The following TMCO4 variants were observed in gnomAD, a reference collection of about 807,000 sequenced individuals.
The protein encoded by TMCO4 is transmembrane and coiled-coil domain-containing protein 4.
Under a neutral mutation model 64.7 loss-of-function variants are expected in TMCO4, and 58 were observed. The observed-to-expected ratio is 0.90, with a 90% CI of 0.73 to 1.12. The LOEUF (loss-of-function observed/expected upper bound fraction) is 1.12, where lower values mean the gene tolerates loss of function less well. Ranked by LOEUF, TMCO4 falls within the 50% of genes most tolerant of loss-of-function variation. The pLI is 0.00. For synonymous variants in TMCO4, 325 were observed against 346.1 expected (o/e 0.94, Z 0.68); for missense variants, 780 against 825.9 (o/e 0.94, Z 0.68).
intron 7 of TMCO4, among the ~76,000 whole-genome samples, chr1:19,752,159 T>C (rs2042049609): frequency 6.6e-6 from 1 of 152,164 alleles, no homozygotes; most frequent in Non-Finnish European, 1.5e-5. Context: ...AATCTCAACA[T>C]TGAAAGCAAA....
At chr1:19,755,509 C>T (rs2042205222) in intron 7 of TMCO4, 125 bp downstream of exon 7, 1 of 1,381,390 alleles carries the variant, frequency 7.2e-7, no homozygotes, top group Non-Finnish European at 9.8e-7. Flanking sequence ...ACAGCTGGGA[C>T]TCTGTCCAGG....
chr1:19,792,400 G>A (rs955131732), intron 2 of TMCO4, among the ~76,000 whole-genome samples: 4 of 152,170 alleles, frequency 2.6e-5, no homozygotes, highest in East Asian at 1.9e-4. Flanking sequence ...CACATCATCC[G>A]TCACCAAAGA....
chr1:19,727,185 T>C (rs936926726), intron 13 of TMCO4, among the ~76,000 whole-genome samples: 1 of 152,118 alleles, frequency 6.6e-6, no homozygotes, highest in Non-Finnish European at 1.5e-5. Context: ...TGCGACTCCT[T>C]CTGTTTCCTA....
intron 10 of TMCO4, 59 bp downstream of exon 10, chr1:19,745,473 G>T: frequency 6.2e-7 from 1 of 1,610,334 alleles, no homozygotes; most frequent in Non-Finnish European, 8.5e-7. Context: ...CCTAGCCCAG[G>T]GTCTGGCCCA....
chr1:19,747,908 C>T (rs1046961807), intron 7 of TMCO4, among the ~76,000 whole-genome samples: 7 of 152,126 alleles, frequency 4.6e-5, no homozygotes, highest in East Asian at 3.9e-4. Flanking sequence ...CCCTTTGCTG[C>T]GGCTGGGATG....
At chr1:19,737,480 G>A in intron 12 of TMCO4, 24 bp from the exon 13 acceptor site, 1 of 1,611,852 alleles carries the variant, frequency 6.2e-7, no homozygotes, top group South Asian at 1.1e-5. Context: ...GGACACAGGT[G>A]TCTGGAAGGA....
intron 10 of TMCO4, among the ~76,000 whole-genome samples, chr1:19,744,933 T>C (rs1007976484): frequency 2.0e-5 from 3 of 152,076 alleles, no homozygotes; most frequent in African/African-American, 7.2e-5. Context: ...CCTGGTTCAG[T>C]ATATGACACA....
chr1:19,724,910 C>T (rs185001700), intron 13 of TMCO4, among the ~76,000 whole-genome samples: 97 of 152,270 alleles, frequency 6.4e-4, no homozygotes, highest in Non-Finnish European at 1.1e-3. Context: ...TACAGGCGCA[C>T]ACCACAATAC....
intron 2 of TMCO4, among the ~76,000 whole-genome samples, chr1:19,794,516 C>T (rs772891920): frequency 1.5e-3 from 230 of 152,288 alleles, no homozygotes; most frequent in Non-Finnish European, 1.4e-3. Flanking sequence ...TGTAATAGTC[C>T]ATTTGACCCA....
intron 2 of TMCO4, among the ~76,000 whole-genome samples, chr1:19,795,453 CAA>C (rs2044261990): frequency 6.6e-6 from 1 of 151,974 alleles, no homozygotes; most frequent in Non-Finnish European, 1.5e-5. Flanking sequence ...GCCTGGGTGA[CAA>C]GAGCAAAACT....
intron 4 of TMCO4, among the ~76,000 whole-genome samples, chr1:19,775,688 G>A (rs1026016312): frequency 1.3e-5 from 2 of 152,168 alleles, no homozygotes; most frequent in Non-Finnish European, 2.9e-5. Flanking sequence ...GGCAGAAGAC[G>A]TCTGTCCATC....
intron 13 of TMCO4, among the ~76,000 whole-genome samples, chr1:19,736,201 C>T (rs532768269): frequency 6.6e-6 from 1 of 152,292 alleles, no homozygotes; most frequent in African/African-American, 2.4e-5. Context: ...AGTAAAGGCA[C>T]GTCGTACATG....
At chr1:19,753,805 G>C (rs1212692510) in intron 7 of TMCO4, among the ~76,000 whole-genome samples, 1 of 152,152 alleles carries the variant, frequency 6.6e-6, no homozygotes, top group Admixed American at 6.5e-5. Context: ...CAGAATCTGA[G>C]AGTCCCTAAC....
intron 6 of TMCO4, among the ~76,000 whole-genome samples, chr1:19,758,231 G>A (rs1324753051): frequency 6.6e-6 from 1 of 151,764 alleles, no homozygotes; most frequent in Non-Finnish European, 1.5e-5. Context: ...GTCTCTTGGG[G>A]CTGCCCTGCT....
chr1:19,754,543 G>T (rs2281248), intron 7 of TMCO4, among the ~76,000 whole-genome samples: 36,745 of 151,966 alleles, frequency 0.24, 4,660 homozygotes, highest in East Asian at 0.44. Flanking sequence ...GCTGACCTCG[G>T]GTAACCTGGC....
intron 15 of TMCO4, among the ~76,000 whole-genome samples, chr1:19,685,541 C>T (rs193165447): frequency 2.1e-4 from 32 of 152,170 alleles, no homozygotes; most frequent in Admixed American, 1.8e-3. Context: ...ATGCCTGACA[C>T]GTAGTAGGTC....
At chr1:19,741,532 T>C (rs1481462284) in intron 10 of TMCO4, among the ~76,000 whole-genome samples, 2 of 152,098 alleles carry the variant, frequency 1.3e-5, no homozygotes, top group South Asian at 2.1e-4. Flanking sequence ...TGAGGAAATA[T>C]ATCAAATGAC....
chr1:19,789,076 C>CAA (rs34632067), intron 2 of TMCO4, among the ~76,000 whole-genome samples: 3 of 108,022 alleles, frequency 2.8e-5, no homozygotes, highest in African/African-American at 6.9e-5. Context: ...CTCTGTCTCA[C>CAA]AAAAAAAAAA....
intron 2 of TMCO4, among the ~76,000 whole-genome samples, chr1:19,796,468 G>A (rs1253540049): frequency 1.3e-5 from 2 of 152,120 alleles, no homozygotes; most frequent in Non-Finnish European, 2.9e-5. Flanking sequence ...AGTGGATGAA[G>A]CCCAGGGCAC....
Sources: allele counts gnomAD v4.1 joint callset (sites outside exome capture counted in the v4.1 genomes callset), GRCh38; gene constraint gnomAD v4.1.1; transcripts MANE v1.5; gene names NCBI Gene and HGNC (gene_info 2026-07-23, HGNC 2026-07-21).